Variants in VPS53 observed in about 807,000 individuals in gnomAD.
The protein encoded by VPS53 is VPS53 subunit of GARP complex.
VPS53 carries 70 observed loss-of-function variants against 107.0 expected under a neutral mutation model. That is an observed-to-expected ratio of 0.65 (90% confidence interval 0.54 to 0.80). The LOEUF (loss-of-function observed/expected upper bound fraction) is 0.80. VPS53 is among the 30% of genes least tolerant of loss of function. The pLI, the probability that VPS53 is intolerant of heterozygous loss-of-function variation, is 0.00. For synonymous variants in VPS53, 409 were observed against 393.3 expected (o/e 1.04, Z -0.47); for missense variants, 917 against 1,049.4 (o/e 0.87, Z 1.74).
chr17:677,985 G>A (rs1972233878), intron 4 of VPS53, among the ~76,000 whole-genome samples: 1 of 152,114 alleles, frequency 6.6e-6, no homozygotes, highest in Non-Finnish European at 1.5e-5. Flanking sequence ...GCCAGGCGTG[G>A]TGGCGAGTGC....
At chr17:655,430 T>C (rs1246072110) in intron 6 of VPS53, among the ~76,000 whole-genome samples, 1 of 151,356 alleles carries the variant, frequency 6.6e-6, no homozygotes, top group African/African-American at 2.4e-5. Flanking sequence ...AGGGAGTGAA[T>C]ATGGGCCTGT....
At position 612,146 on chromosome 17, in the gene VPS53, C is replaced by T. The variant is rs867895669; in HGVS notation, c.1117-10250G>A. ...GCAGTATTCAAATAGTGAATTCACA[C>T]AGTGAAAACCTGTACAAATATTCAT... On this transcript the variant is annotated intron_variant, in intron 11 of 21. Coordinates refer to ENST00000437048, the MANE Select transcript of VPS53 (RefSeq NM_001128159.3). Among the ~76,000 whole-genome samples, 3 of 151,898 alleles carry T rather than the reference C, an allele frequency of 2.0e-5. No homozygotes were observed. The South Asian group carries it at 6.2e-4, about 32-fold the overall frequency.
chr17:675,693 G>A (rs541750275), intron 4 of VPS53: 14 of 142,282 alleles, frequency 9.8e-5, no homozygotes, highest in African/African-American at 3.6e-4. Context: ...AGAATCACTT[G>A]AACCCAGGAG....
intron 4 of VPS53, chr17:674,913 G>A (rs2143735859): frequency 6.6e-6 from 1 of 152,290 alleles, no homozygotes; most frequent in Non-Finnish European, 1.5e-5. Flanking sequence ...GCATCTACGT[G>A]GCCTAATTCA....
At chr17:641,297 T>C (rs1225574241) in intron 7 of VPS53, among the ~76,000 whole-genome samples, 1 of 152,248 alleles carries the variant, frequency 6.6e-6, no homozygotes, top group Non-Finnish European at 1.5e-5. Context: ...TCAGTCTTTA[T>C]AAGCAATTGC....
At chr17:572,428 C>CT (rs1914238551) in intron 13 of VPS53, among the ~76,000 whole-genome samples, 1 of 149,200 alleles carries the variant, frequency 6.7e-6, no homozygotes, top group Non-Finnish European at 1.5e-5. Context: ...GTCAGCCCCC[C>CT]GCCCGGCCAG....
At chr17:573,951 A>T (rs771147138) in intron 13 of VPS53, among the ~76,000 whole-genome samples, 8 of 152,206 alleles carry the variant, frequency 5.3e-5, no homozygotes, top group Non-Finnish European at 1.0e-4. Context: ...CAGTTCCTAG[A>T]ACTCCTTGAA....
At chr17:687,665 G>A (rs980131930) in intron 4 of VPS53, among the ~76,000 whole-genome samples, 14 of 151,988 alleles carry the variant, frequency 9.2e-5, no homozygotes, top group Admixed American at 6.5e-4. Flanking sequence ...TTGAGCCCAC[G>A]AGGTTGAGGG....
At chr17:535,841 C>T (rs986624230) in intron 18 of VPS53, among the ~76,000 whole-genome samples, 12 of 152,116 alleles carry the variant, frequency 7.9e-5, no homozygotes, top group East Asian at 1.9e-4. Flanking sequence ...CACCACAAGC[C>T]GCTCCATAAT....
In VPS53 at chr17:520,023, C is replaced by CGCAG; in HGVS notation, c.2224-97_2224-94dup. 1.2e-6 allele frequency: 1 copy of CGCAG among 841,028 alleles called. No homozygotes were observed. Among genetic ancestry groups the CGCAG allele is most frequent in the East Asian group, 2.7e-5 (1 of 37,472 alleles). 52.1% of individuals were successfully genotyped at this position (841,028 alleles called of 1,614,324 possible). On this transcript the variant is annotated intron_variant, in intron 20 of 21. Coordinates refer to ENST00000437048, the MANE Select transcript of VPS53 (RefSeq NM_001128159.3). The surrounding 1 kb of genome is among the most constrained non-coding windows in gnomAD (Gnocchi z 4.4). ...GCCCTCAAGAAAACTCACTACCCAC[C>CGCAG]GCAGGAGGAGACGGGAGCGGGCCCT...
chr17:575,896 G>A lies in VPS53; in HGVS notation c.1313+10374C>T, dbSNP rs140441106. ...CCTCAGAACCTAATGCATTCGCAGC[G>A]AACCTCCCTGAGACCCTAATGCGTT... On this transcript the variant is annotated intron_variant, in intron 13 of 21. Transcript: ENST00000437048. 4.6e-5 allele frequency among the ~76,000 whole-genome samples: 7 copies of A among 150,620 alleles called. No individual in the cohort carries two copies. The East Asian group carries it at 9.9e-4, about 21-fold the overall frequency.
At chr17:541,305 A>G (rs1044784146) in intron 17 of VPS53, among the ~76,000 whole-genome samples, 3 of 152,232 alleles carry the variant, frequency 2.0e-5, no homozygotes, top group African/African-American at 7.2e-5. Context: ...CAAAGAGATG[A>G]AGGAATGTTT....
At chr17:595,909 C>G (rs1250116759) in intron 12 of VPS53, among the ~76,000 whole-genome samples, 1 of 131,162 alleles carries the variant, frequency 7.6e-6, no homozygotes, top group African/African-American at 3.2e-5. Context: ...CTGGAGGAAG[C>G]TGGGAGATGG....
intron 15 of VPS53, among the ~76,000 whole-genome samples, chr17:554,857 C>G (rs533950170): frequency 6.6e-6 from 1 of 152,296 alleles, no homozygotes; most frequent in South Asian, 2.1e-4. Context: ...AATTTCACAA[C>G]TAGAAATGCA....
rs561556127 is a variant in VPS53 at position 577,702 on chromosome 17, C to T, written c.1313+8568G>A. ...AGAACCTCAGTGCATTACCAGAGAACCTTCCTAAGCACGTAATTCATTCCC... is the reference window on the plus strand; with the variant it reads ...AGAACCTCAGTGCATTACCAGAGAATCTTCCTAAGCACGTAATTCATTCCC... On this transcript the variant is annotated intron_variant, in intron 13 of 21. Transcript: ENST00000437048. 3.9e-5 allele frequency among the ~76,000 whole-genome samples: 6 copies of T among 151,978 alleles called. No homozygotes were observed. In the South Asian group the frequency reaches 1.2e-3, roughly 32 times the overall value.
At chr17:521,470 A>G in intron 20 of VPS53, 131 bp downstream of exon 20, 1 of 1,081,666 alleles carries the variant, frequency 9.2e-7, no homozygotes, top group African/African-American at 1.6e-5. Flanking sequence ...GCCAAAATCC[A>G]GTCCAGCCCA....
At chr17:594,948 G>A (rs1241203224) in intron 12 of VPS53, among the ~76,000 whole-genome samples, 21 of 46,804 alleles carry the variant, frequency 4.5e-4, no homozygotes, top group African/African-American at 1.4e-3. Context: ...CTGGTTTGAT[G>A]ATGCACTCTA....
chr17:540,552 GAACA>G (rs776857348), intron 17 of VPS53: 1 of 151,994 alleles, frequency 6.6e-6, no homozygotes, highest in Non-Finnish European at 1.5e-5. Flanking sequence ...TGCATTGGAA[GAACA>G]AACATCATGA....
At chr17:685,683 G>T (rs957588107) in intron 4 of VPS53, among the ~76,000 whole-genome samples, 2 of 152,106 alleles carry the variant, frequency 1.3e-5, no homozygotes, top group African/African-American at 2.4e-5. Flanking sequence ...TTCATTGCAA[G>T]TTAAGAAGCA....
Sources: allele counts gnomAD v4.1 joint callset (sites outside exome capture counted in the v4.1 genomes callset), GRCh38; gene constraint gnomAD v4.1.1; non-coding constraint Gnocchi (gnomAD v3.1); transcripts MANE v1.5; gene names NCBI Gene and HGNC (gene_info 2026-07-23, HGNC 2026-07-21).